The following TUBGCP3 variants were observed in gnomAD, a reference collection of about 807,000 sequenced individuals.
TUBGCP3 encodes the protein tubulin gamma complex component 3.
A neutral mutation model predicts 123.1 loss-of-function variants in TUBGCP3; 50 were observed. The observed-to-expected ratio is 0.41, with a 90% CI of 0.32 to 0.51. TUBGCP3 has a LOEUF of 0.51. Among genes scored for constraint, TUBGCP3 ranks in the 20% least tolerant of loss-of-function variants. The pLI, the probability that TUBGCP3 is intolerant of heterozygous loss-of-function variation, is 0.36. For synonymous variants in TUBGCP3, 405 were observed against 413.9 expected (o/e 0.98, Z 0.26); for missense variants, 882 against 1,127.0 (o/e 0.78, Z 3.11).
intron 11 of TUBGCP3, among the ~76,000 whole-genome samples, chr13:112,529,474 T>A (rs986606093): frequency 6.6e-6 from 1 of 152,186 alleles, no homozygotes; most frequent in Admixed American, 6.5e-5. Context: ...CATGAGAGCG[T>A]GGATTTAAGC....
At position 112,508,292 on chromosome 13, in the gene TUBGCP3, C is replaced by G. The variant is rs114185385; in HGVS notation, c.2087-3578G>C. 0.013 allele frequency among the ~76,000 whole-genome samples: 1,982 copies of G among 152,328 alleles called. 41 individuals carry two copies. The highest frequency in any genetic ancestry group is 0.045 in the African/African-American group (1,887 of 41,570). ...CCTCCTCTGTGATTTTCAGCCTCCC[C>G]CTCCTTCTCCATATCGGCATCTCAA... On this transcript the variant is annotated intron_variant, in intron 17 of 21. Transcript: ENST00000261965. This position sits in a 1 kb window ranked among gnomAD's most constrained non-coding sequence, Gnocchi z 4.2.
intron 1 of TUBGCP3, among the ~76,000 whole-genome samples, chr13:112,571,662 G>C (rs898848928): frequency 9.9e-5 from 15 of 152,222 alleles, no homozygotes; most frequent in African/African-American, 3.1e-4. Flanking sequence ...AGGAATGAAA[G>C]TTGGCATCTT....
intron 1 of TUBGCP3, among the ~76,000 whole-genome samples, chr13:112,579,413 G>A (rs1194404038): frequency 6.6e-6 from 1 of 151,042 alleles, no homozygotes; most frequent in Non-Finnish European, 1.5e-5. Context: ...GCACACTGCT[G>A]AGTGCCAGCG....
chr13:112,574,639 C>T (rs1221369133), intron 1 of TUBGCP3, among the ~76,000 whole-genome samples: 1 of 152,196 alleles, frequency 6.6e-6, no homozygotes, highest in African/African-American at 2.4e-5. Flanking sequence ...AAGTCATCTC[C>T]GTCAAGACAG....
chr13:112,584,492 G>A (rs1882477696), intron 1 of TUBGCP3, among the ~76,000 whole-genome samples: 1 of 152,116 alleles, frequency 6.6e-6, no homozygotes. Flanking sequence ...ATGGTATTTG[G>A]AACTTCATCA....
At chr13:112,498,554 T>C (rs1880670776) in intron 20 of TUBGCP3, among the ~76,000 whole-genome samples, 1 of 152,244 alleles carries the variant, frequency 6.6e-6, no homozygotes, top group Admixed American at 6.5e-5. Context: ...TTTCGTATTT[T>C]GTATTTCAGA....
intron 1 of TUBGCP3, among the ~76,000 whole-genome samples, chr13:112,577,867 T>C (rs990171755): frequency 1.3e-5 from 2 of 152,204 alleles, no homozygotes; most frequent in African/African-American, 4.8e-5. Flanking sequence ...TTCAAACTTT[T>C]AGTCTTCAAG....
At chr13:112,562,659 AC>A (rs1172746909) in intron 3 of TUBGCP3, among the ~76,000 whole-genome samples, 1 of 152,098 alleles carries the variant, frequency 6.6e-6, no homozygotes, top group Non-Finnish European at 1.5e-5. Flanking sequence ...GGCAGAGGAA[AC>A]CAGATCATTC....
chr13:112,526,720 TCAA>T (rs760498193), intron 13 of TUBGCP3, among the ~76,000 whole-genome samples: 86 of 149,212 alleles, frequency 5.8e-4, no homozygotes, highest in Non-Finnish European at 1.2e-3. Context: ...ATCATCACCA[TCAA>T]CATCATCACC....
chr13:112,505,426 A>C (rs957625234), intron 17 of TUBGCP3, among the ~76,000 whole-genome samples: 1 of 152,254 alleles, frequency 6.6e-6, no homozygotes, highest in African/African-American at 2.4e-5. Context: ...TTACTGCTTC[A>C]AACGCCCTCA....
chr13:112,550,242 A>G (rs1164267710), intron 8 of TUBGCP3, among the ~76,000 whole-genome samples: 1 of 151,976 alleles, frequency 6.6e-6, no homozygotes, highest in East Asian at 1.9e-4. Context: ...AAACTCCATC[A>G]AAAAATTTTT....
intron 20 of TUBGCP3, among the ~76,000 whole-genome samples, chr13:112,496,277 G>A (rs1793483491): frequency 6.6e-6 from 1 of 152,184 alleles, no homozygotes; most frequent in Admixed American, 6.5e-5. Flanking sequence ...GAAAGAAACA[G>A]AAGAGCCATG....
chr13:112,520,017 C>G lies in TUBGCP3; in HGVS notation c.1750G>C (p.Glu584Gln), dbSNP rs1876479730. 4 of 1,605,032 alleles carry G rather than the reference C, an allele frequency of 2.5e-6. No homozygotes were observed. Among genetic ancestry groups the G allele is most frequent in the Non-Finnish European group, 3.4e-6 (4 of 1,177,360 alleles). ...AAAGTCGTAGCTGGACGGACAAGTT[C>G]TGGTCTTAACAAATTTTTTAAAAAT... ...IRHLMDLLKP[E>Q]LVRPATTLYQ... The change falls in exon 15 of 22, where the codon GAA (glutamate) becomes CAA (glutamine). Residue 584 changes from glutamate to glutamine, a missense_variant. Glu to Gln is a conservative substitution (Grantham distance 29). Around this residue, in one of 3 missense-constraint regions of TUBGCP3, gnomAD observed 713 missense variants for 874.0 expected, o/e 0.82. Coordinates refer to ENST00000261965, the MANE Select transcript of TUBGCP3 (RefSeq NM_006322.6).
rs1877444392 is a variant in TUBGCP3, at chr13:112,529,939, A to T, written c.1336-2455T>A. 5.3e-5 allele frequency among the ~76,000 whole-genome samples: 8 copies of T among 152,354 alleles called. No homozygotes were observed. The South Asian group carries it at 1.2e-3, about 24-fold the overall frequency. On this transcript the variant is annotated intron_variant, in intron 11 of 21. Transcript: ENST00000261965. ...AATTAACGATCTCTTAGCAAAATGT[A>T]ATGGTCAAAAGTAACCCAAGAAGCA...
At chr13:112,559,781 A>C (rs1880346498) in intron 3 of TUBGCP3, among the ~76,000 whole-genome samples, 1 of 152,198 alleles carries the variant, frequency 6.6e-6, no homozygotes, top group Admixed American at 6.5e-5. Context: ...TTCCTTTATC[A>C]ACATCCCATT....
At chr13:112,492,823 A>G (rs972747947) in intron 20 of TUBGCP3, among the ~76,000 whole-genome samples, 1 of 125,374 alleles carries the variant, frequency 8.0e-6, no homozygotes, top group African/African-American at 3.1e-5. Flanking sequence ...CGCTCTGGCT[A>G]TGGGAACATG....
At position 112,511,949 on chromosome 13, in the gene TUBGCP3, C is replaced by CA. The variant is rs1329836570; in HGVS notation, c.2086+4490dup. Among the ~76,000 whole-genome samples the CA allele has an allele frequency of 2.0e-5, 3 of 152,186 alleles. No homozygotes were observed. Among genetic ancestry groups the CA allele is most frequent in the Admixed American group, 2.0e-4 (3 of 15,288 alleles). On this transcript the variant is annotated intron_variant, in intron 17 of 21. Transcript: ENST00000261965. The surrounding 1 kb of genome is among the most constrained non-coding windows in gnomAD (Gnocchi z 4.1). ...ATACCTACACAAGGAAGCACTTACTCAGACACTCGTTCTCTCGAAAGCACA... is the reference window on the plus strand; with the variant it reads ...ATACCTACACAAGGAAGCACTTACTCAAGACACTCGTTCTCTCGAAAGCACA...
chr13:112,487,325 G>T (rs934949735), intron 21 of TUBGCP3, among the ~76,000 whole-genome samples: 1 of 152,210 alleles, frequency 6.6e-6, no homozygotes, highest in African/African-American at 2.4e-5. Context: ...CACCGCCACA[G>T]AGAGCAGAGA....
chr13:112,566,181 CT>C (rs1239661442), intron 2 of TUBGCP3, among the ~76,000 whole-genome samples: 1 of 152,158 alleles, frequency 6.6e-6, no homozygotes, highest in African/African-American at 2.4e-5. Context: ...ATTGGGTTCC[CT>C]GGGGGAAGAG....
Sources: gnomAD v4.1 joint callset for allele counts (sites outside exome capture counted in the v4.1 genomes callset) on GRCh38, gnomAD v4.1.1 for gene constraint, gnomAD v4.1.1 regional missense constraint, Gnocchi (gnomAD v3.1) non-coding constraint, MANE v1.5 for transcripts, NCBI Gene and HGNC (gene_info 2026-07-23, HGNC 2026-07-21) for gene names.